KCNQ2: variants seen among roughly 807,000 people sequenced by gnomAD.
The protein encoded by KCNQ2 is potassium voltage-gated channel subfamily Q member 2, also known as potassium voltage-gated channel subfamily KQT member 2.
In KCNQ2, 14 loss-of-function variants were observed where a neutral mutation model predicts 84.8. The observed-to-expected ratio is 0.17, with a 90% CI of 0.11 to 0.26. The LOEUF (loss-of-function observed/expected upper bound fraction) is 0.26, where lower values mean the gene tolerates loss of function less well. Ranked by LOEUF, KCNQ2 falls within the 10% of genes least tolerant of loss-of-function variation. The probability of loss-of-function intolerance (pLI) is 1.00; values close to 1 mark genes in which losing one functional copy is unlikely to be tolerated. For synonymous variants in KCNQ2, 599 were observed against 554.1 expected, an observed-to-expected ratio of 1.08 and a Z score of -1.14; for missense variants, 788 against 1,254.0, an observed-to-expected ratio of 0.63 and a Z score of 5.61.
At chr20:63,432,004 A>T (rs1347420706) in intron 8 of KCNQ2, among the ~76,000 whole-genome samples, 1 of 147,078 alleles carries the variant, frequency 6.8e-6, no homozygotes, top group Non-Finnish European at 1.5e-5. Context: ...ACCCTCAGGG[A>T]AGGCCCCATC....
chr20:63,463,584 C>T (rs2082010600), intron 1 of KCNQ2: 1 of 152,292 alleles, frequency 6.6e-6, no homozygotes, highest in South Asian at 2.1e-4. Context: ...CACAGCCCCT[C>T]AGGGCAGACA....
At chr20:63,442,815 CCATCACCATCACCAT>C (rs2081231586) in intron 4 of KCNQ2, among the ~76,000 whole-genome samples, 2 of 73,482 alleles carry the variant, frequency 2.7e-5, no homozygotes, top group Non-Finnish European at 5.9e-5. Context: ...ATTACCACCA[CCATCACCATCACCAT>C]CACCACCACC....
chr20:63,439,470 G>A (rs1270352970), intron 6 of KCNQ2, 128 bp downstream of exon 6: 2 of 741,052 alleles, frequency 2.7e-6, no homozygotes, highest in South Asian at 1.4e-5. Flanking sequence ...CCTGGGGGCT[G>A]TGGACCTGCT....
At chr20:63,445,116 A>G in intron 3 of KCNQ2, 122 bp downstream of exon 3, 5 of 1,347,280 alleles carry the variant, frequency 3.7e-6, no homozygotes, top group Non-Finnish European at 5.2e-6. Flanking sequence ...AGAAACTTCC[A>G]GAAGGAGCCA....
intron 1 of KCNQ2, among the ~76,000 whole-genome samples, chr20:63,465,479 G>A (rs552513140): frequency 1.4e-3 from 208 of 152,302 alleles, no homozygotes; most frequent in Non-Finnish European, 2.0e-3. Context: ...TGAGGCCAGC[G>A]GTCGGCAGGG....
intron 1 of KCNQ2, among the ~76,000 whole-genome samples, chr20:63,464,973 G>C (rs2082045961): frequency 1.3e-5 from 2 of 152,212 alleles, no homozygotes; most frequent in South Asian, 4.1e-4. Context: ...AGAAAGAAAA[G>C]CCACACAAGC....
At chr20:63,455,999 T>C (rs1443370389) in intron 1 of KCNQ2, among the ~76,000 whole-genome samples, 2 of 29,152 alleles carry the variant, frequency 6.9e-5, no homozygotes, top group Non-Finnish European at 6.9e-5. Flanking sequence ...CCCCTCTGCT[T>C]CACGGGCCCC....
chr20:63,410,571 G>A (rs913865780), intron 15 of KCNQ2, among the ~76,000 whole-genome samples: 1 of 152,108 alleles, frequency 6.6e-6, no homozygotes, highest in Non-Finnish European at 1.5e-5. Flanking sequence ...GGGCATGGGG[G>A]ACACCACAGA....
At chr20:63,421,691 G>A (rs532780970) in intron 11 of KCNQ2, among the ~76,000 whole-genome samples, 15 of 152,104 alleles carry the variant, frequency 9.9e-5, no homozygotes, top group South Asian at 2.1e-4. Flanking sequence ...GAACAGGCAC[G>A]GGGGAGCCCG....
At chr20:63,442,642 CA>C in intron 4 of KCNQ2, 111 bp from the exon 5 acceptor site, 9 of 1,050,490 alleles carry the variant, frequency 8.6e-6, no homozygotes, top group South Asian at 1.3e-5. Context: ...TCACCACCAC[CA>C]AAACCATCAC....
intron 10 of KCNQ2, among the ~76,000 whole-genome samples, chr20:63,426,433 C>T (rs1200540765): frequency 6.6e-6 from 1 of 152,000 alleles, no homozygotes; most frequent in Non-Finnish European, 1.5e-5. Context: ...CCTTTGCAAG[C>T]TGGACAGGCT....
At chr20:63,433,571 C>T (rs1568915882) in intron 8 of KCNQ2, 1 of 754,184 alleles carries the variant, frequency 1.3e-6, no homozygotes, top group East Asian at 2.7e-5. Context: ...GCACGACCCA[C>T]GGCCAGGACG....
Position 63,407,494 on chromosome 20 carries a change from G to A in KCNQ2, c.1888-119C>T. 2.8e-6 allele frequency: 3 copies of A among 1,084,540 alleles called. No homozygotes were observed. The highest frequency in any genetic ancestry group is 2.6e-6 in the Non-Finnish European group (2 of 763,004). The allele number at this position is 1,084,540 out of a possible 1,614,324, so 67.2% of individuals were successfully genotyped here. A position where few individuals can be genotyped will look rare whatever the true frequency, so the allele number is the denominator to read the frequency against. ...GTTCCAGGAAACAGGAGAGACCCAG[G>A]CTAGTCCCAGGAAACGGGGGACCCA... On this transcript the variant is annotated intron_variant, in intron 16 of 16. Coordinates refer to ENST00000359125, the MANE Select transcript of KCNQ2 (RefSeq NM_172107.4). This position sits in a 1 kb window ranked among gnomAD's most constrained non-coding sequence, Gnocchi z 7.2.
intron 5 of KCNQ2, among the ~76,000 whole-genome samples, chr20:63,439,988 G>A (rs920366838): frequency 6.6e-6 from 1 of 152,256 alleles, no homozygotes; most frequent in African/African-American, 2.4e-5. Context: ...TGACTCCCAC[G>A]AGGCTCGGCT....
chr20:63,457,057 G>A (rs1035167080), intron 1 of KCNQ2, among the ~76,000 whole-genome samples: 2 of 152,260 alleles, frequency 1.3e-5, no homozygotes, highest in Non-Finnish European at 2.9e-5. Flanking sequence ...GAACTGCTCT[G>A]TTTCCAGGAC....
In KCNQ2 at chr20:63,443,442, C is replaced by CCAT. The variant is rs1568937900; in HGVS notation, c.691-912_691-911insATG. Among the ~76,000 whole-genome samples the CCAT allele has an allele frequency of 2.1e-3, 138 of 64,694 alleles. 2 individuals carry two copies. Among genetic ancestry groups the CCAT allele is most frequent in the African/African-American group, 7.2e-3 (122 of 16,926 alleles). 42.4% of individuals were successfully genotyped at this position (64,694 alleles called of 152,430 possible). A position where few individuals can be genotyped will look rare whatever the true frequency, so the allele number is the denominator to read the frequency against. The stretch of plus-strand genomic sequence containing the variant: ...ACCACCATCATCACCATCACCATCA[C>CCAT]CACCACCATCACCATCACCACCATC... On this transcript the variant is annotated intron_variant, in intron 4 of 16. Coordinates refer to ENST00000359125, the MANE Select transcript of KCNQ2 (RefSeq NM_172107.4).
At chr20:63,435,858 C>T (rs549077535) in intron 7 of KCNQ2, among the ~76,000 whole-genome samples, 27 of 148,278 alleles carry the variant, frequency 1.8e-4, no homozygotes, top group African/African-American at 6.5e-4. Flanking sequence ...CCTCCCTCTC[C>T]GGCACATGGG....
At chr20:63,439,860 C>T (rs1600756283) in intron 5 of KCNQ2, 152 bp from the exon 6 acceptor site, 4 of 689,528 alleles carry the variant, frequency 5.8e-6, no homozygotes, top group Admixed American at 4.1e-5. Context: ...AGGCCAGGGT[C>T]GGTGTCGGCC....
intron 7 of KCNQ2, among the ~76,000 whole-genome samples, chr20:63,435,827 G>A (rs1600739785): frequency 6.6e-6 from 1 of 152,128 alleles, no homozygotes; most frequent in Non-Finnish European, 1.5e-5. Flanking sequence ...GAACTTCTCA[G>A]CCAGGGAGAG....
Sources: gnomAD v4.1 joint callset for allele counts (sites outside exome capture counted in the v4.1 genomes callset) on GRCh38, gnomAD v4.1.1 for gene constraint, Gnocchi (gnomAD v3.1) non-coding constraint, MANE v1.5 for transcripts, NCBI Gene and HGNC (gene_info 2026-07-23, HGNC 2026-07-21) for gene names.